Variants in SUCLG2 observed in about 807,000 individuals in gnomAD.
SUCLG2 encodes succinate-CoA ligase GDP-forming subunit beta.
SUCLG2 carries 42 observed loss-of-function variants against 47.9 expected under a neutral mutation model. The ratio of observed to expected loss-of-function variants is 0.88; its 90% CI spans 0.69 to 1.14. SUCLG2 has a LOEUF of 1.14. Ranked by LOEUF, SUCLG2 falls within the 50% of genes most tolerant of loss-of-function variation. SUCLG2 has a pLI of 0.00. For synonymous variants in SUCLG2, 195 were observed against 197.3 expected (o/e 0.99, Z 0.10); for missense variants, 571 against 525.9 (o/e 1.09, Z -0.84).
At chr3:67,588,123 A>T (rs892666230) in intron 2 of SUCLG2, among the ~76,000 whole-genome samples, 3 of 152,242 alleles carry the variant, frequency 2.0e-5, no homozygotes, top group African/African-American at 7.2e-5. Flanking sequence ...AATATTATGC[A>T]TAAAAATGAA....
chr3:67,597,965 C>A (rs1330856188), intron 2 of SUCLG2, among the ~76,000 whole-genome samples: 7 of 151,654 alleles, frequency 4.6e-5, no homozygotes, highest in Admixed American at 6.6e-5. Flanking sequence ...ACAACAACAA[C>A]AAAAAACTCT....
At chr3:67,377,066 G>A (rs1702048421) in intron 10 of SUCLG2, among the ~76,000 whole-genome samples, 1 of 152,156 alleles carries the variant, frequency 6.6e-6, no homozygotes, top group African/African-American at 2.4e-5. Context: ...TGTATGCCAG[G>A]CACAGTGCTA....
chr3:67,400,543 A>C (rs1273574577), intron 10 of SUCLG2, among the ~76,000 whole-genome samples, 188 bp downstream of exon 10: 2 of 152,138 alleles, frequency 1.3e-5, no homozygotes, highest in Non-Finnish European at 2.9e-5. Context: ...CACCTGCCAT[A>C]CTTGGAGAGC....
At chr3:67,462,641 T>A (rs560874665) in intron 9 of SUCLG2, among the ~76,000 whole-genome samples, 8 of 152,290 alleles carry the variant, frequency 5.3e-5, no homozygotes, top group Admixed American at 2.0e-4. Context: ...ACATCCTTTA[T>A]AATAAACCAG....
chr3:67,521,356 C>A (rs1706096604), intron 4 of SUCLG2, among the ~76,000 whole-genome samples: 1 of 152,112 alleles, frequency 6.6e-6, no homozygotes, highest in African/African-American at 2.4e-5. Context: ...TTGCCAGGGC[C>A]ATGACTAGAC....
intron 9 of SUCLG2, among the ~76,000 whole-genome samples, chr3:67,462,704 T>C (rs755384751): frequency 2.0e-5 from 3 of 152,220 alleles, no homozygotes; most frequent in Non-Finnish European, 2.9e-5. Flanking sequence ...AGCAAATGAA[T>C]TGAACCCAAG....
At chr3:67,561,350 A>C (rs376281192) in intron 2 of SUCLG2, among the ~76,000 whole-genome samples, 9 of 152,086 alleles carry the variant, frequency 5.9e-5, no homozygotes, top group East Asian at 5.8e-4. Context: ...TGGGTCTTTA[A>C]CATCTTTTGC....
intron 10 of SUCLG2, among the ~76,000 whole-genome samples, chr3:67,361,114 A>T (rs1177776515): frequency 6.6e-6 from 1 of 152,138 alleles, no homozygotes; most frequent in Non-Finnish European, 1.5e-5. Flanking sequence ...CTAGACCAGA[A>T]GTCTGGATTC....
intron 1 of SUCLG2, among the ~76,000 whole-genome samples, chr3:67,611,789 T>C (rs887938300): frequency 4.6e-5 from 7 of 152,212 alleles, no homozygotes; most frequent in African/African-American, 1.4e-4. Flanking sequence ...TGCTGGAAAC[T>C]AATTGCAATT....
chr3:67,578,670 G>A (rs887756632), intron 2 of SUCLG2, among the ~76,000 whole-genome samples: 6 of 152,152 alleles, frequency 3.9e-5, no homozygotes, highest in African/African-American at 1.4e-4. Context: ...GGTGTCTCTA[G>A]AGAGGCCATA....
intron 1 of SUCLG2, among the ~76,000 whole-genome samples, chr3:67,613,237 G>A (rs1700563789): frequency 6.6e-6 from 1 of 152,166 alleles, no homozygotes; most frequent in South Asian, 2.1e-4. Flanking sequence ...ATTATGCTAT[G>A]GGCTTTCTAG....
intron 2 of SUCLG2, among the ~76,000 whole-genome samples, chr3:67,564,529 T>C (rs1410752355): frequency 6.6e-6 from 1 of 152,228 alleles, no homozygotes; most frequent in Non-Finnish European, 1.5e-5. Context: ...TAAAATCCTC[T>C]CCTGCAGGTA....
chr3:67,365,677 T>G (rs535772821), intron 10 of SUCLG2, among the ~76,000 whole-genome samples: 53 of 152,324 alleles, frequency 3.5e-4, no homozygotes, highest in Non-Finnish European at 7.2e-4. Context: ...CTAACATGTG[T>G]GACTAAGCAC....
At chr3:67,486,380 C>G (rs1377627170) in intron 9 of SUCLG2, among the ~76,000 whole-genome samples, 1 of 152,094 alleles carries the variant, frequency 6.6e-6, no homozygotes, top group Non-Finnish European at 1.5e-5. Context: ...AAAACACTAC[C>G]CAGGCAATTC....
chr3:67,485,048 A>G (rs1183867394), intron 9 of SUCLG2, among the ~76,000 whole-genome samples: 1 of 152,214 alleles, frequency 6.6e-6, no homozygotes, highest in African/African-American at 2.4e-5. Context: ...CCAGGAAGAC[A>G]TTGAACAGGA....
chr3:67,375,930 A>C (rs957027101), intron 10 of SUCLG2, 71 bp from the exon 11 acceptor site: 1 of 1,559,976 alleles, frequency 6.4e-7, no homozygotes, highest in African/African-American at 1.4e-5. Flanking sequence ...GCACAAGGAC[A>C]CACAAGACTC....
downstream of SUCLG2, among the ~76,000 whole-genome samples, chr3:67,372,196 C>T (rs1185674061): frequency 1.3e-5 from 2 of 152,176 alleles, no homozygotes; most frequent in Non-Finnish European, 2.9e-5. Context: ...TTTACCATTG[C>T]TGTCATACAG....
At chr3:67,633,051 C>T (rs1006454631) in intron 1 of SUCLG2, among the ~76,000 whole-genome samples, 2 of 152,200 alleles carry the variant, frequency 1.3e-5, no homozygotes, top group South Asian at 2.1e-4. Flanking sequence ...GCTTGTCCAA[C>T]GGTGCTTTTC....
chr3:67,507,541 A>G (rs1705670610), intron 7 of SUCLG2, among the ~76,000 whole-genome samples: 1 of 152,158 alleles, frequency 6.6e-6, no homozygotes, highest in Admixed American at 6.5e-5. Context: ...AAAAAAAAAA[A>G]AAAGACCTGA....
Sources: gnomAD v4.1 joint callset for allele counts (sites outside exome capture counted in the v4.1 genomes callset) on GRCh38, gnomAD v4.1.1 for gene constraint, MANE v1.5 for transcripts, NCBI Gene and HGNC (gene_info 2026-07-23, HGNC 2026-07-21) for gene names.